TRPS1: variants seen among roughly 807,000 people sequenced by gnomAD.
TRPS1 encodes the protein zinc finger transcription factor Trps1.
Under a neutral mutation model 101.2 loss-of-function variants are expected in TRPS1, and 6 were observed. That is an observed-to-expected ratio of 0.06 (90% CI 0.03 to 0.12). The LOEUF (loss-of-function observed/expected upper bound fraction) is 0.12. Ranked by LOEUF, TRPS1 falls within the 10% of genes least tolerant of loss-of-function variation. The pLI, the probability that TRPS1 is intolerant of heterozygous loss-of-function variation, is 1.00. For missense variants in TRPS1, 1,363 were observed against 1,567.0 expected (o/e 0.87, Z 2.20); for synonymous variants, 578 against 589.8 (o/e 0.98, Z 0.29).
intron 5 of TRPS1, among the ~76,000 whole-genome samples, chr8:115,541,203 C>T (rs1045873250): frequency 6.6e-6 from 1 of 152,150 alleles, no homozygotes; most frequent in African/African-American, 2.4e-5. Context: ...ACTCAGCATG[C>T]TGTGGACATC....
At chr8:115,638,419 T>C (rs1046158028) in intron 1 of TRPS1, among the ~76,000 whole-genome samples, 2 of 152,050 alleles carry the variant, frequency 1.3e-5, no homozygotes, top group African/African-American at 4.8e-5. Context: ...ATAAAATAGG[T>C]TGATTTGTGA....
At chr8:115,503,806 A>C (rs1221958948) in intron 5 of TRPS1, among the ~76,000 whole-genome samples, 3 of 152,230 alleles carry the variant, frequency 2.0e-5, no homozygotes. Context: ...GAAAAGAATG[A>C]ACAGTCCTTT....
intron 5 of TRPS1, among the ~76,000 whole-genome samples, chr8:115,435,998 T>TCACACACACACACACACA (rs4027183): frequency 7.5e-6 from 1 of 134,016 alleles, no homozygotes; most frequent in Non-Finnish European, 1.6e-5. Context: ...AAATGAGAAA[T>TCACACACACACACACACA]CACACACACA....
chr8:115,645,993 C>G (rs1022200481), intron 1 of TRPS1, among the ~76,000 whole-genome samples: 83 of 152,108 alleles, frequency 5.5e-4, no homozygotes, highest in Non-Finnish European at 1.8e-4. Context: ...TCAGTTTGTT[C>G]CTGTCCGTAA....
intron 5 of TRPS1, among the ~76,000 whole-genome samples, chr8:115,440,514 C>G (rs969949473): frequency 6.6e-6 from 1 of 152,204 alleles, no homozygotes; most frequent in African/African-American, 2.4e-5. Context: ...CTTTTTGATA[C>G]AGCTAATATC....
At chr8:115,629,207 T>C (rs892968060) in intron 1 of TRPS1, among the ~76,000 whole-genome samples, 11 of 151,942 alleles carry the variant, frequency 7.2e-5, no homozygotes, top group African/African-American at 2.6e-4. Flanking sequence ...GCAAAAAGAC[T>C]AAGATGTTTT....
chr8:115,535,678 G>A (rs967173281), intron 5 of TRPS1, among the ~76,000 whole-genome samples: 11 of 150,370 alleles, frequency 7.3e-5, no homozygotes, highest in Admixed American at 1.3e-4. Context: ...TGGCTAACAC[G>A]GTGAAACCCC....
At chr8:115,439,571 C>G (rs919963142) in intron 5 of TRPS1, among the ~76,000 whole-genome samples, 1 of 152,110 alleles carries the variant, frequency 6.6e-6, no homozygotes, top group Admixed American at 6.5e-5. Context: ...ATTTAAAGAG[C>G]ACAGTTTTTC....
intron 5 of TRPS1, among the ~76,000 whole-genome samples, chr8:115,569,680 T>C (rs1237590301): frequency 6.6e-6 from 1 of 152,078 alleles, no homozygotes; most frequent in African/African-American, 2.4e-5. Context: ...GGCCATAAAA[T>C]GATATAGATA....
rs1212548354 is a variant in TRPS1 at position 115,414,815 on chromosome 8, C to G, written c.3093G>C (p.Gln1031His). 2 of 1,613,900 alleles carry G rather than the reference C, an allele frequency of 1.2e-6. No individual in the cohort carries two copies. Among genetic ancestry groups the G allele is most frequent in the African/African-American group, 2.7e-5 (2 of 74,900 alleles). ...GSLTKSHSAQ[Q>H]PVLVSQTLDI... is the part of the protein sequence containing the mutation. The stretch of plus-strand genomic sequence containing the variant: ...CCAGAGTTTGGCTGACCAGGACTGG[C>G]TGCTGAGCAGAATGGCTTTTAGTCA... The change falls in exon 7 of 7, where the codon CAG becomes CAC. Residue 1031 changes from glutamine to histidine, a missense_variant. Around this residue, in one of 5 missense-constraint regions of TRPS1, gnomAD observed 307 missense variants for 392.4 expected, o/e 0.78. Transcript: ENST00000395715. This position sits in a 1 kb window ranked among gnomAD's most constrained non-coding sequence, Gnocchi z 4.8.
rs1423701162 is a variant in TRPS1, at chr8:115,414,506, A to T, written c.3402T>A (p.Val1134=). 1.9e-6 allele frequency: 3 copies of T among 1,613,772 alleles called. No individual in the cohort carries two copies. The highest frequency in any genetic ancestry group is 1.3e-5 in the African/African-American group (1 of 74,894). The change falls in exon 7 of 7, where the codon GTT becomes GTA. Residue 1134 remains valine, a synonymous_variant. Coordinates refer to ENST00000395715, the MANE Select transcript of TRPS1 (RefSeq NM_014112.5). This position sits in a 1 kb window ranked among gnomAD's most constrained non-coding sequence, Gnocchi z 4.8. ...GACTCAAGTAGTGCGGATTCCCAGG[A>T]ACGGAGAGCTTATATTTACTCCAGA... ...LRFWSKYKLS[V]PGNPHYLSHV...
At chr8:115,543,102 G>A (rs556612660) in intron 5 of TRPS1, among the ~76,000 whole-genome samples, 3 of 151,638 alleles carry the variant, frequency 2.0e-5, no homozygotes, top group South Asian at 2.1e-4. Context: ...AAGGACAGAC[G>A]GGTAAAAAAA....
chr8:115,588,521 C>G (rs1028372646), intron 4 of TRPS1, among the ~76,000 whole-genome samples: 28 of 152,166 alleles, frequency 1.8e-4, no homozygotes, highest in Non-Finnish European at 3.2e-4. Flanking sequence ...CTACCATCTT[C>G]TGCTGTTAAA....
chr8:115,490,322 T>C (rs182208625), intron 5 of TRPS1, among the ~76,000 whole-genome samples: 32 of 152,124 alleles, frequency 2.1e-4, no homozygotes, highest in Non-Finnish European at 4.1e-4. Flanking sequence ...AATACCTTTA[T>C]TATAAGGGGA....
chr8:115,594,645 T>C (rs1454419651), intron 4 of TRPS1, among the ~76,000 whole-genome samples: 1 of 151,916 alleles, frequency 6.6e-6, no homozygotes, highest in Non-Finnish European at 1.5e-5. Context: ...TTATAGAATT[T>C]TCATGTGCCA....
chr8:115,586,740 G>A (rs1044726896), intron 5 of TRPS1, among the ~76,000 whole-genome samples: 19 of 152,164 alleles, frequency 1.2e-4, no homozygotes, highest in Non-Finnish European at 2.2e-4. Context: ...TAGTCACCAG[G>A]AATGATTAAC....
intron 5 of TRPS1, among the ~76,000 whole-genome samples, chr8:115,425,021 T>A (rs1344972143): frequency 6.6e-6 from 1 of 152,162 alleles, no homozygotes; most frequent in African/African-American, 2.4e-5. Context: ...CCCTATGGAA[T>A]ATACTGAATT....
In TRPS1 at chr8:115,419,385, GAA is replaced by G. The variant is rs544100359; in HGVS notation, c.2701-935_2701-934del. Among the ~76,000 whole-genome samples, 338 of 144,476 alleles carry G rather than the reference GAA, an allele frequency of 2.3e-3. 3 individuals are homozygous for G. Among genetic ancestry groups the G allele is most frequent in the Middle Eastern group, 3.5e-3 (1 of 284 alleles). 94.8% of individuals were successfully genotyped at this position (144,476 alleles called of 152,430 possible). On this transcript the variant is annotated intron_variant, in intron 5 of 6. Coordinates refer to ENST00000395715, the MANE Select transcript of TRPS1 (RefSeq NM_014112.5). ...GAATTCTCTTGCTGAAAAAAAAAAA[GAA>G]AAAAAAAGACAGCCTGAATTGCAGT...
intron 5 of TRPS1, among the ~76,000 whole-genome samples, chr8:115,425,497 A>G (rs192844315): frequency 3.3e-5 from 5 of 152,318 alleles, no homozygotes; most frequent in African/African-American, 1.2e-4. Context: ...GAGGCAATAC[A>G]TACTCCAGTA....
Sources: gnomAD v4.1 joint callset for allele counts (sites outside exome capture counted in the v4.1 genomes callset) on GRCh38, gnomAD v4.1.1 for gene constraint, gnomAD v4.1.1 regional missense constraint, Gnocchi (gnomAD v3.1) non-coding constraint, MANE v1.5 for transcripts, NCBI Gene and HGNC (gene_info 2026-07-23, HGNC 2026-07-21) for gene names.